The following PDLIM4 variants were observed in gnomAD, a reference collection of about 807,000 sequenced individuals.
PDLIM4 encodes the protein PDZ and LIM domain protein 4.
Under a neutral mutation model 31.3 loss-of-function variants are expected in PDLIM4, and 19 were observed. That is an observed-to-expected ratio of 0.61 (90% CI 0.42 to 0.89). PDLIM4 has a LOEUF of 0.89. Ranked by LOEUF, PDLIM4 falls within the 40% of genes least tolerant of loss-of-function variation. The pLI is 0.00. For synonymous variants in PDLIM4, 176 were observed against 190.1 expected, an observed-to-expected ratio of 0.93 and a Z score of 0.61; for missense variants, 442 against 461.1, an observed-to-expected ratio of 0.96 and a Z score of 0.38.
At chr5:132,266,574 T>A in intron 3 of PDLIM4, 29 bp downstream of exon 3, 2 of 1,497,328 alleles carry the variant, frequency 1.3e-6, no homozygotes, top group Non-Finnish European at 1.9e-6. Flanking sequence ...TGGCCTGGCC[T>A]GGCTCAGAGT....
chr5:132,262,019 TC>T (rs1756386845), intron 1 of PDLIM4, among the ~76,000 whole-genome samples: 1 of 152,182 alleles, frequency 6.6e-6, no homozygotes, highest in Non-Finnish European at 1.5e-5. Context: ...AAAGGAATGT[TC>T]CAGGTGGAGG....
chr5:132,269,632 G>C (rs926829644), intron 3 of PDLIM4, among the ~76,000 whole-genome samples: 1 of 151,946 alleles, frequency 6.6e-6, no homozygotes, highest in African/African-American at 2.4e-5. Context: ...GGGGTACTCA[G>C]GGCAGAACCC....
At chr5:132,271,170 C>T (rs1756601130) in intron 4 of PDLIM4, 77 bp downstream of exon 4, 2 of 1,516,678 alleles carry the variant, frequency 1.3e-6, no homozygotes, top group African/African-American at 1.4e-5. Context: ...CCCAGTCCCA[C>T]TCTGACCCCT....
intron 5 of PDLIM4, 111 bp downstream of exon 5, chr5:132,271,577 T>A: frequency 1.7e-6 from 2 of 1,202,278 alleles, no homozygotes; most frequent in Non-Finnish European, 2.4e-6. Flanking sequence ...CTTCGGTCTC[T>A]GCGGCCCGGT....
At chr5:132,270,004 T>C (rs1179101155) in intron 3 of PDLIM4, among the ~76,000 whole-genome samples, 1 of 152,162 alleles carries the variant, frequency 6.6e-6, no homozygotes, top group East Asian at 1.9e-4. Context: ...CTTTAAAGCA[T>C]AATTGTGAGA....
At position 132,272,282 on chromosome 5, in the gene PDLIM4, A is replaced by G. The variant is rs1580805548; in HGVS notation, c.*53A>G. ...CTTAAGGTCCCTGCTCGGCCGGTGTAAATATGTTTCACCCTGTCCCTCTAA... is the reference window on the plus strand; with the variant it reads ...CTTAAGGTCCCTGCTCGGCCGGTGTGAATATGTTTCACCCTGTCCCTCTAA... On this transcript the variant is annotated 3_prime_UTR_variant, in exon 7 of 7. Transcript: ENST00000253754. 2 of 1,449,780 alleles carry G rather than the reference A, an allele frequency of 1.4e-6. No homozygotes were observed. The highest frequency in any genetic ancestry group is 2.3e-5 in the South Asian group (2 of 86,226). 89.8% of individuals were successfully genotyped at this position (1,449,780 alleles called of 1,614,324 possible).
intron 2 of PDLIM4, among the ~76,000 whole-genome samples, chr5:132,263,558 G>T (rs1756421808): frequency 6.6e-6 from 1 of 152,202 alleles, no homozygotes; most frequent in Non-Finnish European, 1.5e-5. Context: ...TCTTTACTCA[G>T]CTCTGAGAAG....
chr5:132,258,183 G>T (rs1156284035), intron 1 of PDLIM4, among the ~76,000 whole-genome samples: 1 of 152,230 alleles, frequency 6.6e-6, no homozygotes, highest in Admixed American at 6.5e-5. Context: ...CTCACCCCCT[G>T]CCTGAAGATC....
In PDLIM4 at chr5:132,272,056, T is replaced by C. The variant is rs1287792176; in HGVS notation, c.820T>C (p.Tyr274His). The C allele has an allele frequency of 1.2e-6, 2 of 1,614,232 alleles. No individual in the cohort carries two copies. Among genetic ancestry groups the C allele is most frequent in the Non-Finnish European group, 8.5e-7 (1 of 1,180,016 alleles). Residue 274 changes from tyrosine to histidine, a missense_variant, in exon 7 of 7, where the codon TAC becomes CAC. Transcript: ENST00000253754. ...CATCGTCAAGGCACGGGACAAGCTC[T>C]ACCATCCCGAGTGCTTCATGTGCAG... ...GTIVKARDKL[Y>H]HPECFMCSDC...
chr5:132,265,139 C>A (rs1447499464), intron 2 of PDLIM4, among the ~76,000 whole-genome samples: 1 of 152,198 alleles, frequency 6.6e-6, no homozygotes, highest in African/African-American at 2.4e-5. Context: ...ACAGCCTACC[C>A]TTTGCCTGTC....
At chr5:132,270,845 G>A in intron 3 of PDLIM4, 70 bp from the exon 4 acceptor site, 5 of 1,366,002 alleles carry the variant, frequency 3.7e-6, no homozygotes, top group South Asian at 1.2e-5. Flanking sequence ...ACAGCAGGGT[G>A]GGGGTGGGGT....
chr5:132,271,548 C>T (rs1359299650), intron 5 of PDLIM4, 82 bp downstream of exon 5: 1 of 1,416,878 alleles, frequency 7.1e-7, no homozygotes, highest in Admixed American at 1.7e-5. Flanking sequence ...CCACGTCCCG[C>T]CTCGCAGTCA....
At position 132,272,754 on chromosome 5, in the gene PDLIM4, C is replaced by T. The variant is rs1756659812; in HGVS notation, c.*525C>T. 1 of 184,506 alleles carries T rather than the reference C, an allele frequency of 5.4e-6. No homozygotes were observed. The highest frequency in any genetic ancestry group is 1.1e-4 in the South Asian group (1 of 9,108). The allele number at this position is 184,506 out of a possible 1,614,324, so 11.4% of individuals were successfully genotyped here. A position where few individuals can be genotyped will look rare whatever the true frequency, so the allele number is the denominator to read the frequency against. On this transcript the variant is annotated 3_prime_UTR_variant, in exon 7 of 7. Coordinates refer to ENST00000253754, the MANE Select transcript of PDLIM4 (RefSeq NM_003687.4). ...GTGCTGGCAGCCTCAGGAGCGATCG[C>T]TCCCCTGGAGAGGGTGATTGAGTGT...
At chr5:132,259,543 G>A (rs1389879538) in intron 1 of PDLIM4, among the ~76,000 whole-genome samples, 1 of 152,156 alleles carries the variant, frequency 6.6e-6, no homozygotes, top group Non-Finnish European at 1.5e-5. Flanking sequence ...GCTGAGGTTG[G>A]GTTTGGGTGG....
At chr5:132,264,092 ACT>A (rs1413913318) in intron 2 of PDLIM4, among the ~76,000 whole-genome samples, 1 of 151,956 alleles carries the variant, frequency 6.6e-6, no homozygotes, top group Non-Finnish European at 1.5e-5. Flanking sequence ...TCCAGCCTTG[ACT>A]CTGTGTGGCT....
In PDLIM4 at chr5:132,262,746, A is replaced by G. The variant is rs1398877219; in HGVS notation, c.231A>G (p.Thr77=). 1 of 1,613,516 alleles carries G rather than the reference A, an allele frequency of 6.2e-7. No homozygotes were observed. The highest frequency in any genetic ancestry group is 1.1e-5 in the South Asian group (1 of 90,998). The change falls in exon 2 of 7, where the codon ACA becomes ACG. Residue 77 remains threonine, a synonymous_variant. Coordinates refer to ENST00000253754, the MANE Select transcript of PDLIM4 (RefSeq NM_003687.4). ...TCAAGGGCTGCCACGATCACCTCACACTGTCTGTGAGCAGGTATGCACAGG... is the reference window on the plus strand; with the variant it reads ...TCAAGGGCTGCCACGATCACCTCACGCTGTCTGTGAGCAGGTATGCACAGG... ...NRIKGCHDHL[T]LSVSRPEGRS...
At chr5:132,269,329 C>T (rs538866306) in intron 3 of PDLIM4, among the ~76,000 whole-genome samples, 8 of 151,874 alleles carry the variant, frequency 5.3e-5, no homozygotes, top group African/African-American at 1.9e-4. Context: ...CCACCAAAGC[C>T]TCTGCCCGGA....
chr5:132,265,614 G>T (rs1227913667), intron 2 of PDLIM4, among the ~76,000 whole-genome samples: 2 of 152,198 alleles, frequency 1.3e-5, no homozygotes, highest in African/African-American at 4.8e-5. Flanking sequence ...GGCAGAAGAG[G>T]CAGGGGCAAG....
rs146383582 is a variant in PDLIM4 at position 132,269,132 on chromosome 5, T to C, written c.328-1783T>C. Among the ~76,000 whole-genome samples, 390 of 152,196 alleles carry C rather than the reference T, an allele frequency of 2.6e-3. 3 individuals are homozygous for C. Among genetic ancestry groups the C allele is most frequent in the African/African-American group, 8.8e-3 (365 of 41,530 alleles). The stretch of plus-strand genomic sequence containing the variant: ...CCCAGTTAGGGGATAACCCTGGGAC[T>C]CAAACTAAAACTGAGGTAGCCATGT... On this transcript the variant is annotated intron_variant, in intron 3 of 6. Coordinates refer to ENST00000253754, the MANE Select transcript of PDLIM4 (RefSeq NM_003687.4).
Sources: gnomAD v4.1 joint callset for allele counts (sites outside exome capture counted in the v4.1 genomes callset) on GRCh38, gnomAD v4.1.1 for gene constraint, MANE v1.5 for transcripts, NCBI Gene and HGNC (gene_info 2026-07-23, HGNC 2026-07-21) for gene names.